Variants in OSBPL10 observed in about 807,000 individuals in gnomAD.
The protein encoded by OSBPL10 is oxysterol-binding protein-related protein 10.
Under a neutral mutation model 81.7 loss-of-function variants are expected in OSBPL10, and 49 were observed. The observed-to-expected ratio is 0.60, with a 90% CI of 0.48 to 0.76. OSBPL10 has a LOEUF of 0.76. Among genes scored for constraint, OSBPL10 ranks in the 30% least tolerant of loss-of-function variants. The pLI, the probability that OSBPL10 is intolerant of heterozygous loss-of-function variation, is 0.00. For synonymous variants in OSBPL10, 419 were observed against 383.6 expected, an observed-to-expected ratio of 1.09 and a Z score of -1.08; for missense variants, 923 against 987.8, an observed-to-expected ratio of 0.93 and a Z score of 0.88.
chr3:31,934,421 T>C (rs1697330846), intron 1 of OSBPL10, among the ~76,000 whole-genome samples: 1 of 151,480 alleles, frequency 6.6e-6, no homozygotes, highest in Non-Finnish European at 1.5e-5. Context: ...TTTTTTTTTT[T>C]TTTTGGAGAC....
chr3:32,075,601 T>C (rs1699868056), intron 1 of OSBPL10, among the ~76,000 whole-genome samples: 1 of 152,166 alleles, frequency 6.6e-6, no homozygotes, highest in African/African-American at 2.4e-5. Context: ...CCCCAAAATC[T>C]TTCTTCAGTT....
chr3:31,714,653 C>A (rs192541667), intron 6 of OSBPL10: 1 of 152,288 alleles, frequency 6.6e-6, no homozygotes, highest in Non-Finnish European at 1.5e-5. Context: ...ACCCAGCAGC[C>A]GCGTCCTGCC....
At chr3:31,716,261 T>C (rs536726160) in intron 6 of OSBPL10, among the ~76,000 whole-genome samples, 3 of 152,330 alleles carry the variant, frequency 2.0e-5, no homozygotes, top group African/African-American at 7.2e-5. Context: ...ACAAATCTTA[T>C]TGTACAGTTC....
intron 3 of OSBPL10, among the ~76,000 whole-genome samples, chr3:31,862,889 C>T (rs931491978): frequency 1.3e-5 from 2 of 152,108 alleles, no homozygotes; most frequent in Non-Finnish European, 2.9e-5. Flanking sequence ...ATAGAATTAC[C>T]ATATGGCCCA....
intron 2 of OSBPL10, among the ~76,000 whole-genome samples, chr3:32,025,877 T>C (rs991202166): frequency 6.6e-6 from 1 of 152,160 alleles, no homozygotes; most frequent in Non-Finnish European, 1.5e-5. Context: ...TCAGGCTTTC[T>C]TGAGTATCCG....
intron 7 of OSBPL10, among the ~76,000 whole-genome samples, chr3:31,698,767 C>T (rs1432606146): frequency 6.6e-6 from 1 of 152,170 alleles, no homozygotes; most frequent in Non-Finnish European, 1.5e-5. Context: ...AATCTGGTCT[C>T]CACTAGAATG....
At chr3:31,814,426 G>A (rs1699781206) in intron 4 of OSBPL10, among the ~76,000 whole-genome samples, 1 of 152,208 alleles carries the variant, frequency 6.6e-6, no homozygotes, top group South Asian at 2.1e-4. Context: ...CTGTGGAGAT[G>A]TAATTAGTTA....
At position 32,026,038 on chromosome 3, in the gene OSBPL10, A is replaced by AGATAGATAGATAGATAGATAGAT. The variant is rs1559551408; in HGVS notation, n.298+20452_298+20453insATCTATCTATCTATCTATCTATC. 8.7e-4 allele frequency among the ~76,000 whole-genome samples: 108 copies of AGATAGATAGATAGATAGATAGAT among 123,798 alleles called. 1 individual carries two copies. The highest frequency in any genetic ancestry group is 3.4e-3 in the African/African-American group (100 of 29,548). The allele number at this position is 123,798 out of a possible 152,430, so 81.2% of individuals were successfully genotyped here. A position where few individuals can be genotyped will look rare whatever the true frequency, so the allele number is the denominator to read the frequency against. ...TAGATAGATAGATAGATAGATAGAT[A>AGATAGATAGATAGATAGATAGAT]GATAGATAGATAGATAGATGATAGA... On this transcript the variant is annotated intron_variant and non_coding_transcript_variant, in intron 2 of 3. Transcript: ENST00000479173.
rs141797880 is a variant in OSBPL10 at position 31,958,391 on chromosome 3, C to T, written c.281+22508G>A. On this transcript the variant is annotated intron_variant, in intron 1 of 11. Transcript: ENST00000396556. ...TCTAGTTTGTATGTTTTAGGCCTCA[C>T]TAGATCCAATGTAGTAACAACTGTC... 2.1e-3 allele frequency among the ~76,000 whole-genome samples: 326 copies of T among 152,262 alleles called. 5 individuals carry two copies. The highest frequency in any genetic ancestry group is 7.4e-3 in the African/African-American group (307 of 41,548).
At position 31,940,107 on chromosome 3, in the gene OSBPL10, A is replaced by C. The variant is rs375990761; in HGVS notation, c.281+40792T>G. ...AAGAGAAATAGAAATATATGTCCACAAAAAAGACTTACACAAGAAATGTTC... is the reference window on the plus strand; with the variant it reads ...AAGAGAAATAGAAATATATGTCCACCAAAAAGACTTACACAAGAAATGTTC... On this transcript the variant is annotated intron_variant, in intron 1 of 11. Coordinates refer to ENST00000396556, the MANE Select transcript of OSBPL10 (RefSeq NM_017784.5). Among the ~76,000 whole-genome samples, 52 of 152,362 alleles carry C rather than the reference A, an allele frequency of 3.4e-4. No individual in the cohort carries two copies. In the East Asian group the frequency reaches 9.1e-3, roughly 27 times the overall value.
At chr3:31,694,757 T>C (rs1440064293) in intron 7 of OSBPL10, among the ~76,000 whole-genome samples, 6 of 152,186 alleles carry the variant, frequency 3.9e-5, no homozygotes, top group Admixed American at 3.3e-4. Context: ...GTTTGTTTGT[T>C]TGTTTTGTTT....
chr3:31,822,913 T>TAAAAAAAAAAAAAAAAAAAAAA (rs71097447), intron 4 of OSBPL10, among the ~76,000 whole-genome samples: 12 of 89,088 alleles, frequency 1.3e-4, no homozygotes, highest in Non-Finnish European at 1.8e-4. Context: ...CCCCCAACTC[T>TAAAAAAAAAAAAAAAAAAAAAA]AAAAAAAAAA....
intron 4 of OSBPL10, among the ~76,000 whole-genome samples, chr3:31,808,081 T>C (rs1699567334): frequency 6.6e-6 from 1 of 152,162 alleles, no homozygotes; most frequent in Non-Finnish European, 1.5e-5. Context: ...CTAGCTACAA[T>C]GACCCTGAGT....
intron 1 of OSBPL10, among the ~76,000 whole-genome samples, chr3:31,953,002 G>A (rs774648937): frequency 3.2e-4 from 47 of 146,856 alleles, no homozygotes; most frequent in Admixed American, 7.7e-4. Flanking sequence ...GTGCAATCTC[G>A]GCTCACTGCA....
At chr3:31,678,038 G>A (rs1394724717) in intron 8 of OSBPL10, among the ~76,000 whole-genome samples, 2 of 135,400 alleles carry the variant, frequency 1.5e-5, no homozygotes, top group African/African-American at 3.1e-5. Context: ...CCGAGATTGC[G>A]CCACTGCAGT....
intron 2 of OSBPL10, among the ~76,000 whole-genome samples, chr3:32,042,706 G>C (rs2125559722): frequency 6.6e-6 from 1 of 152,286 alleles, no homozygotes; most frequent in South Asian, 2.1e-4. Context: ...ATGCCCACCT[G>C]AGCCTTAAAG....
At chr3:31,761,038 T>G (rs1337022499) in intron 4 of OSBPL10, among the ~76,000 whole-genome samples, 1 of 152,180 alleles carries the variant, frequency 6.6e-6, no homozygotes, top group Non-Finnish European at 1.5e-5. Flanking sequence ...GTATTCTCAG[T>G]CGTGTGTGAG....
At chr3:32,013,089 C>T (rs540566891) in intron 2 of OSBPL10, among the ~76,000 whole-genome samples, 112 of 152,190 alleles carry the variant, frequency 7.4e-4, no homozygotes, top group African/African-American at 2.5e-3. Context: ...CTGCACCAAG[C>T]GGACCTAATA....
intron 2 of OSBPL10, among the ~76,000 whole-genome samples, chr3:32,036,773 C>T (rs893615111): frequency 6.7e-6 from 1 of 149,914 alleles, no homozygotes; most frequent in African/African-American, 2.5e-5. Flanking sequence ...CAGTGAGCCA[C>T]GATGGCACCA....
Sources: gnomAD v4.1 joint callset for allele counts (sites outside exome capture counted in the v4.1 genomes callset) on GRCh38, gnomAD v4.1.1 for gene constraint, MANE v1.5 for transcripts, NCBI Gene and HGNC (gene_info 2026-07-23, HGNC 2026-07-21) for gene names.